The following DOCK9 variants were observed in gnomAD, a reference collection of about 807,000 sequenced individuals.
DOCK9 encodes the protein dedicator of cytokinesis protein 9.
DOCK9 carries 89 observed loss-of-function variants against 263.3 expected under a neutral mutation model. That is an observed-to-expected ratio of 0.34 (90% CI 0.28 to 0.40). DOCK9 has a LOEUF of 0.40. Ranked by LOEUF, DOCK9 falls within the 10% of genes least tolerant of loss-of-function variation. The probability of loss-of-function intolerance (pLI) is 1.00; values close to 1 mark genes in which losing one functional copy is unlikely to be tolerated. For synonymous variants in DOCK9, 976 were observed against 973.1 expected, an observed-to-expected ratio of 1.00 and a Z score of -0.06; for missense variants, 2,140 against 2,603.4, an observed-to-expected ratio of 0.82 and a Z score of 3.87.
chr13:98,828,480 A>C (rs2092633515), intron 43 of DOCK9, among the ~76,000 whole-genome samples: 1 of 152,222 alleles, frequency 6.6e-6, no homozygotes, highest in Non-Finnish European at 1.5e-5. Context: ...TGTCACGTTA[A>C]TGTGTACTTT....
chr13:98,814,110 T>A (rs374009772), intron 45 of DOCK9, among the ~76,000 whole-genome samples: 2 of 152,242 alleles, frequency 1.3e-5, no homozygotes, highest in African/African-American at 4.8e-5. Context: ...AATAAACATT[T>A]GTAAAGCAGT....
At chr13:98,892,625 G>C (rs2046792681) in intron 15 of DOCK9, among the ~76,000 whole-genome samples, 1 of 152,188 alleles carries the variant, frequency 6.6e-6, no homozygotes, top group Admixed American at 6.5e-5. Flanking sequence ...ATGCTGCAAT[G>C]TATGTACTCA....
chr13:99,065,310 A>G (rs1044009937), intron 1 of DOCK9, among the ~76,000 whole-genome samples: 1 of 152,174 alleles, frequency 6.6e-6, no homozygotes, highest in Non-Finnish European at 1.5e-5. Flanking sequence ...AATTATGGCA[A>G]AAGTCTCCTG....
chr13:98,900,506 T>C (rs1449807732), intron 13 of DOCK9, among the ~76,000 whole-genome samples: 1 of 152,240 alleles, frequency 6.6e-6, no homozygotes, highest in Non-Finnish European at 1.5e-5. Flanking sequence ...ACAGCTTTCA[T>C]CAGCCAAAAA....
At chr13:98,846,878 A>G (rs891206202) in intron 37 of DOCK9, 29 of 329,422 alleles carry the variant, frequency 8.8e-5, no homozygotes, top group Non-Finnish European at 1.4e-4. Flanking sequence ...TCTTTTTCAC[A>G]TGCAGCAGAG....
At chr13:98,924,007 T>C (rs1160938390) in intron 4 of DOCK9, among the ~76,000 whole-genome samples, 2 of 152,222 alleles carry the variant, frequency 1.3e-5, no homozygotes, top group Admixed American at 6.5e-5. Context: ...TTGGAAATTC[T>C]CATTAATGCC....
At chr13:98,977,699 G>T in intron 1 of DOCK9, 85 bp downstream of exon 1, 2 of 1,294,266 alleles carry the variant, frequency 1.5e-6, no homozygotes, top group South Asian at 1.6e-5. Flanking sequence ...TCAAAGACAG[G>T]CAACAGGCGT....
At chr13:98,994,068 G>C (rs78848113) in intron 1 of DOCK9, among the ~76,000 whole-genome samples, 4,011 of 152,170 alleles carry the variant, frequency 0.026, 188 homozygotes, top group African/African-American at 0.092. Context: ...TAAAGAATAA[G>C]AAATATATTA....
intron 1 of DOCK9, among the ~76,000 whole-genome samples, chr13:99,046,463 A>C (rs1317217351): frequency 6.6e-6 from 1 of 152,246 alleles, no homozygotes; most frequent in Non-Finnish European, 1.5e-5. Context: ...TTTTGCGCCC[A>C]GTATGCTAAC....
rs77251419 is a variant in DOCK9, at chr13:98,826,097, C to T, written c.5023+733G>A. The T allele has an allele frequency of 9.1e-3, 4,460 of 487,738 alleles. 200 individuals carry two copies. The highest frequency in any genetic ancestry group is 0.085 in the Admixed American group (1,961 of 23,204). The allele number at this position is 487,738 out of a possible 1,614,324, so 30.2% of individuals were successfully genotyped here. On this transcript the variant is annotated intron_variant, in intron 44 of 52. Coordinates refer to ENST00000682017, the MANE Select transcript of DOCK9 (RefSeq NM_001366683.2). ...ACCAGAAATATACAGTCTGTGGCCT[C>T]GGCATCTTTGGTTTCACACTATTTC...
At chr13:98,910,337 A>G (rs1399897501) in intron 9 of DOCK9, among the ~76,000 whole-genome samples, 1 of 152,224 alleles carries the variant, frequency 6.6e-6, no homozygotes, top group Admixed American at 6.5e-5. Context: ...TACATTTACA[A>G]TAAAAATTGT....
chr13:98,913,461 GTC>G (rs1595251728), intron 9 of DOCK9, among the ~76,000 whole-genome samples: 1 of 152,018 alleles, frequency 6.6e-6, no homozygotes, highest in Non-Finnish European at 1.5e-5. Flanking sequence ...AAAATAAAAA[GTC>G]TATATAGTAC....
At chr13:99,008,236 T>TA (rs1883807618) in intron 1 of DOCK9, among the ~76,000 whole-genome samples, 105 of 56,620 alleles carry the variant, frequency 1.9e-3, no homozygotes, top group Middle Eastern at 8.9e-3. Context: ...ATATATATAT[T>TA]TTTTTTTTTT....
At chr13:98,979,239 G>GCAGCAGCA (rs1555439581), upstream of DOCK9, among the ~76,000 whole-genome samples, 8 of 117,438 alleles carry the variant, frequency 6.8e-5, no homozygotes, top group South Asian at 2.9e-4. Flanking sequence ...TAGCAGCAGC[G>GCAGCAGCA]GCGGCAGCAG....
intron 4 of DOCK9, among the ~76,000 whole-genome samples, chr13:98,924,808 A>G (rs2052651673): frequency 6.6e-6 from 1 of 152,188 alleles, no homozygotes; most frequent in Non-Finnish European, 1.5e-5. Context: ...AGTCTTCAAC[A>G]GAAGCTGAGC....
chr13:98,994,771 C>T (rs1025652170), intron 1 of DOCK9, among the ~76,000 whole-genome samples: 20 of 151,854 alleles, frequency 1.3e-4, no homozygotes, highest in South Asian at 6.2e-4. Context: ...GTGGTAATTC[C>T]GCTTCCCCTT....
chr13:98,856,952 A>C (rs2093721839), intron 33 of DOCK9: 1 of 152,222 alleles, frequency 6.6e-6, no homozygotes, highest in Non-Finnish European at 1.5e-5. Flanking sequence ...TAATGTGGAA[A>C]TAAAATTTGT....
intron 1 of DOCK9, among the ~76,000 whole-genome samples, chr13:99,012,448 C>G (rs570805130): frequency 2.0e-5 from 3 of 152,234 alleles, no homozygotes; most frequent in African/African-American, 7.2e-5. Context: ...TTGGTGCACA[C>G]TGAGTAGCTG....
At chr13:98,884,707 T>A (rs935628970) in intron 21 of DOCK9, among the ~76,000 whole-genome samples, 1 of 151,566 alleles carries the variant, frequency 6.6e-6, no homozygotes, top group Non-Finnish European at 1.5e-5. Flanking sequence ...ACAGACCTTA[T>A]CCCAGATTTC....
Sources: gnomAD v4.1 joint callset for allele counts (sites outside exome capture counted in the v4.1 genomes callset) on GRCh38, gnomAD v4.1.1 for gene constraint, MANE v1.5 for transcripts, NCBI Gene and HGNC (gene_info 2026-07-23, HGNC 2026-07-21) for gene names.